FNDC3A: variants seen among roughly 807,000 people sequenced by gnomAD.
The protein encoded by FNDC3A is fibronectin type-III domain-containing protein 3A.
Under a neutral mutation model 148.9 loss-of-function variants are expected in FNDC3A, and 32 were observed. The observed-to-expected ratio is 0.21, with a 90% CI of 0.16 to 0.29. FNDC3A has a LOEUF of 0.29. Ranked by LOEUF, FNDC3A falls within the 10% of genes least tolerant of loss-of-function variation. The probability of loss-of-function intolerance (pLI) is 1.00; values close to 1 mark genes in which losing one functional copy is unlikely to be tolerated. For synonymous variants in FNDC3A, 472 were observed against 473.6 expected (o/e 1.00, Z 0.04); for missense variants, 1,191 against 1,452.8 (o/e 0.82, Z 2.93).
chr13:49,058,107 G>C (rs992175189), intron 2 of FNDC3A, among the ~76,000 whole-genome samples: 1 of 152,118 alleles, frequency 6.6e-6, no homozygotes, highest in African/African-American at 2.4e-5. Context: ...AGTTAAAGAA[G>C]GAAGGGCTTT....
At chr13:49,185,865 C>A in intron 14 of FNDC3A, 99 bp from the exon 15 acceptor site, 2 of 880,138 alleles carry the variant, frequency 2.3e-6, no homozygotes, top group Non-Finnish European at 3.6e-6. Flanking sequence ...TGTATTTTAT[C>A]ATTTGGTTGA....
intron 2 of FNDC3A, among the ~76,000 whole-genome samples, chr13:49,066,600 C>G (rs575825130): frequency 9.3e-4 from 141 of 152,054 alleles, no homozygotes; most frequent in Non-Finnish European, 9.1e-4. Context: ...AGTAACATAC[C>G]CAAAGTTACA....
intron 2 of FNDC3A, among the ~76,000 whole-genome samples, chr13:49,033,849 A>G (rs1425784741): frequency 6.6e-6 from 1 of 152,044 alleles, no homozygotes; most frequent in African/African-American, 2.4e-5. Context: ...TACCAGTTTT[A>G]GAGTAAACTT....
chr13:49,078,799 G>A (rs2137789464), intron 3 of FNDC3A, among the ~76,000 whole-genome samples: 1 of 152,264 alleles, frequency 6.6e-6, no homozygotes, highest in East Asian at 1.9e-4. Flanking sequence ...AATAGAAGTG[G>A]AGGCAACAGA....
chr13:49,174,639 A>G, intron 12 of FNDC3A, 80 bp downstream of exon 12: 1 of 1,259,460 alleles, frequency 7.9e-7, no homozygotes, highest in Non-Finnish European at 1.1e-6. Context: ...TTACTGTCCA[A>G]ATTATTCATT....
chr13:49,074,756 T>C (rs914414142), intron 2 of FNDC3A, among the ~76,000 whole-genome samples: 5 of 152,202 alleles, frequency 3.3e-5, no homozygotes, highest in East Asian at 1.9e-4. Flanking sequence ...AGCAGGACTT[T>C]AGTTTTTTTC....
chr13:49,199,313 T>C (rs1886311183), intron 23 of FNDC3A, among the ~76,000 whole-genome samples: 2 of 151,512 alleles, frequency 1.3e-5, no homozygotes, highest in Admixed American at 1.3e-4. Context: ...TGAGCCACTG[T>C]GCCTGACCGA....
Position 48,978,133 on chromosome 13 carries a change from C to CTG in FNDC3A, c.-40+1961_-40+1962dup, listed in dbSNP as rs199769808. Among the ~76,000 whole-genome samples the CTG allele has an allele frequency of 2.1e-3, 318 of 152,138 alleles. 1 individual carries two copies. Among genetic ancestry groups the CTG allele is most frequent in the African/African-American group, 7.1e-3 (296 of 41,488 alleles). On this transcript the variant is annotated intron_variant, in intron 1 of 25. Coordinates refer to ENST00000492622, the MANE Select transcript of FNDC3A (RefSeq NM_001079673.2). ...ACGTCTGTGTCTTCACTTCCTCTAT[C>CTG]TGTGTGAGTAATTGAGACCTGATTT...
chr13:49,123,461 C>G (rs1032310667), intron 4 of FNDC3A, among the ~76,000 whole-genome samples: 1 of 151,986 alleles, frequency 6.6e-6, no homozygotes, highest in Non-Finnish European at 1.5e-5. Context: ...GACCAAACAC[C>G]AAAAGCTATG....
chr13:49,068,196 G>C (rs1054371623), intron 2 of FNDC3A, among the ~76,000 whole-genome samples: 1 of 124,916 alleles, frequency 8.0e-6, no homozygotes, highest in Non-Finnish European at 1.7e-5. Flanking sequence ...AAGTGTGTAA[G>C]TGTGTGTGTG....
chr13:48,995,120 G>A (rs1951999998), intron 1 of FNDC3A, among the ~76,000 whole-genome samples: 1 of 152,100 alleles, frequency 6.6e-6, no homozygotes, highest in African/African-American at 2.4e-5. Context: ...TCTCTATGTT[G>A]CCCAGGCTGG....
chr13:48,989,538 A>C (rs917871021), intron 1 of FNDC3A, among the ~76,000 whole-genome samples: 4 of 152,250 alleles, frequency 2.6e-5, no homozygotes, highest in Admixed American at 2.0e-4. Flanking sequence ...TTTGTCAAAG[A>C]AAAGATAAGT....
At chr13:49,025,944 T>A (rs985164704) in intron 2 of FNDC3A, among the ~76,000 whole-genome samples, 8 of 152,304 alleles carry the variant, frequency 5.3e-5, no homozygotes, top group African/African-American at 1.9e-4. Flanking sequence ...TTACAGAAAA[T>A]CTTATATATA....
chr13:49,005,089 G>T (rs1052107705), intron 1 of FNDC3A, among the ~76,000 whole-genome samples: 1 of 151,698 alleles, frequency 6.6e-6, no homozygotes, highest in Non-Finnish European at 1.5e-5. Context: ...TTACATTATT[G>T]TGGTATTAAC....
At chr13:48,986,020 G>A (rs532832104) in intron 1 of FNDC3A, among the ~76,000 whole-genome samples, 1 of 152,122 alleles carries the variant, frequency 6.6e-6, no homozygotes, top group Non-Finnish European at 1.5e-5. Context: ...AAGCTTCCCA[G>A]TTGGTGTCTG....
rs770112910 is a variant in FNDC3A at position 49,175,371 on chromosome 13, T to C, written c.1360T>C (p.Phe454Leu). The C allele has an allele frequency of 6.4e-7, 1 of 1,560,092 alleles. No homozygotes were observed. The highest frequency in any genetic ancestry group is 2.0e-5 in the Admixed American group (1 of 51,016). Residue 454 changes from phenylalanine to leucine, a missense_variant, in exon 13 of 26, where the codon TTT (phenylalanine) becomes CTT (leucine). Physicochemically the swap from Phe to Leu is conservative, Grantham distance 22. This residue lies in a region of FNDC3A where 751 missense variants were observed against 944.0 expected (regional missense o/e 0.80). Coordinates refer to ENST00000492622, the MANE Select transcript of FNDC3A (RefSeq NM_001079673.2). ...TAAAACCATTTGTTTCAACAGTGGT[T>C]TTAGTGAAGAAGTCTTATATTACAC... Reference protein sequence around the residue: ...SARNDYGTSGFSEEVLYYTSG... With the variant: ...SARNDYGTSGLSEEVLYYTSG...
At chr13:49,175,869 C>G (rs758583481) in intron 13 of FNDC3A, among the ~76,000 whole-genome samples, 8 of 152,176 alleles carry the variant, frequency 5.3e-5, no homozygotes, top group Non-Finnish European at 8.8e-5. Context: ...GAGATACATT[C>G]CATCAGTACC....
Position 49,201,816 on chromosome 13 carries a change from A to T in FNDC3A, c.3004A>T (p.Arg1002Ter). The change falls in exon 24 of 26, where the codon AGA becomes TGA. Residue 1002 changes from arginine (R) to a stop codon, truncating the protein, a stop_gained. Coordinates refer to ENST00000492622, the MANE Select transcript of FNDC3A (RefSeq NM_001079673.2). LOFTEE classifies it high-confidence loss of function. The stretch of plus-strand genomic sequence containing the variant: ...CCATTTTAGGTTTGTATCCCTATAC[A>T]GAGGACCATGTCATACATACAAAGT... ...DKNGRFVSLY[R>*]GPCHTYKVQR... The T allele has an allele frequency of 6.5e-7, 1 of 1,533,206 alleles. No homozygotes were observed. The highest frequency in any genetic ancestry group is 8.8e-7 in the Non-Finnish European group (1 of 1,134,542). 95.0% of individuals were successfully genotyped at this position (1,533,206 alleles called of 1,614,324 possible).
intron 4 of FNDC3A, among the ~76,000 whole-genome samples, chr13:49,127,021 G>A (rs1295764513): frequency 1.3e-5 from 2 of 152,146 alleles, no homozygotes; most frequent in East Asian, 1.9e-4. Context: ...ACTTCCACCA[G>A]TGTTTGCACA....
Sources: gnomAD v4.1 joint callset for allele counts (sites outside exome capture counted in the v4.1 genomes callset) on GRCh38, gnomAD v4.1.1 for gene constraint, gnomAD v4.1.1 regional missense constraint, MANE v1.5 for transcripts, NCBI Gene and HGNC (gene_info 2026-07-23, HGNC 2026-07-21) for gene names.